Variants in TIAM1 observed in about 807,000 individuals in gnomAD.
TIAM1 encodes TIAM Rac1 associated GEF 1.
Under a neutral mutation model 163.5 loss-of-function variants are expected in TIAM1, and 65 were observed. That is an observed-to-expected ratio of 0.40 (90% confidence interval 0.33 to 0.49). TIAM1 has a LOEUF of 0.49. TIAM1 is among the 20% of genes least tolerant of loss of function. The probability of loss-of-function intolerance (pLI) is 0.77; values close to 1 mark genes in which losing one functional copy is unlikely to be tolerated. For synonymous variants in TIAM1, 833 were observed against 810.1 expected, an observed-to-expected ratio of 1.03 and a Z score of -0.48; for missense variants, 1,789 against 2,044.7, an observed-to-expected ratio of 0.87 and a Z score of 2.41.
intron 2 of TIAM1, among the ~76,000 whole-genome samples, chr21:31,397,817 G>A (rs1469039985): frequency 6.6e-6 from 1 of 152,200 alleles, no homozygotes; most frequent in Non-Finnish European, 1.5e-5. Flanking sequence ...CAAAACGAAA[G>A]ACATGGAAAA....
At chr21:31,250,829 G>C (rs2071762527) in intron 5 of TIAM1, among the ~76,000 whole-genome samples, 1 of 152,110 alleles carries the variant, frequency 6.6e-6, no homozygotes, top group African/African-American at 2.4e-5. Flanking sequence ...ATACGTACAT[G>C]TACTTCACGA....
chr21:31,212,958 T>G (rs1210881442), intron 10 of TIAM1: 2 of 154,502 alleles, frequency 1.3e-5, no homozygotes, highest in Non-Finnish European at 2.9e-5. Context: ...TTTTGTTGTT[T>G]TTCTTTTTTT....
chr21:31,500,151 C>T (rs751522441), intron 1 of TIAM1, among the ~76,000 whole-genome samples: 8 of 152,098 alleles, frequency 5.3e-5, no homozygotes, highest in Non-Finnish European at 1.0e-4. Flanking sequence ...GGTGACAGAG[C>T]GAGACTCCAT....
intron 4 of TIAM1, among the ~76,000 whole-genome samples, chr21:31,254,799 T>C (rs2072001768): frequency 2.0e-5 from 3 of 152,150 alleles, no homozygotes. Flanking sequence ...TGAGTGACTG[T>C]GACCTGCCTG....
chr21:31,273,035 T>C (rs1237283451), intron 3 of TIAM1, among the ~76,000 whole-genome samples: 2 of 152,128 alleles, frequency 1.3e-5, no homozygotes, highest in African/African-American at 4.8e-5. Context: ...CCCCAGCTAA[T>C]GACAACTAAA....
Position 31,335,705 on chromosome 21 carries a change from C to CA in TIAM1, c.-189+3537dup, listed in dbSNP as rs142300088. 1.1e-3 allele frequency among the ~76,000 whole-genome samples: 162 copies of CA among 143,890 alleles called. 2 individuals carry two copies. The highest frequency in any genetic ancestry group is 3.5e-3 in the Middle Eastern group (1 of 286). 94.4% of individuals were successfully genotyped at this position (143,890 alleles called of 152,430 possible). A position where few individuals can be genotyped will look rare whatever the true frequency, so the allele number is the denominator to read the frequency against. On this transcript the variant is annotated intron_variant, in intron 2 of 27. Coordinates refer to ENST00000541036, the MANE Select transcript of TIAM1 (RefSeq NM_001353694.2). Reference sequence around the variant, plus strand: ...GGGTGACAGAGCGAGACTCTGTCTCCAAAAAAAAAGAAAAAAGAAAGAAAC... The same window carrying CA: ...GGGTGACAGAGCGAGACTCTGTCTCCAAAAAAAAAAGAAAAAAGAAAGAAAC...
At chr21:31,446,268 C>T (rs1306517690) in intron 2 of TIAM1, among the ~76,000 whole-genome samples, 1 of 152,138 alleles carries the variant, frequency 6.6e-6, no homozygotes, top group Non-Finnish European at 1.5e-5. Flanking sequence ...ACTTACCCTA[C>T]CATTGGCTGA....
chr21:31,128,123 C>T (rs958843134), intron 25 of TIAM1, among the ~76,000 whole-genome samples: 2 of 152,228 alleles, frequency 1.3e-5, no homozygotes, highest in African/African-American at 4.8e-5. Context: ...TGTGAAGTCT[C>T]ACTTTTATCC....
intron 1 of TIAM1, among the ~76,000 whole-genome samples, chr21:31,480,095 A>G (rs1202383060): frequency 3.3e-5 from 5 of 152,238 alleles, no homozygotes. Context: ...CATAGCCACC[A>G]TCCAATCAAT....
chr21:31,452,554 CT>C, intron 2 of TIAM1: 3 of 601,888 alleles, frequency 5.0e-6, no homozygotes, highest in Non-Finnish European at 3.0e-6. Flanking sequence ...CGAGGGACAC[CT>C]TCGTCACACA....
At chr21:31,411,515 G>A (rs902040345) in intron 2 of TIAM1, among the ~76,000 whole-genome samples, 1 of 123,496 alleles carries the variant, frequency 8.1e-6, no homozygotes, top group African/African-American at 3.2e-5. Flanking sequence ...TCACTCCCTT[G>A]CCCAGGCTGG....
At chr21:31,219,102 G>A (rs2087401263) in intron 8 of TIAM1, among the ~76,000 whole-genome samples, 1 of 135,586 alleles carries the variant, frequency 7.4e-6, no homozygotes, top group Non-Finnish European at 1.5e-5. Context: ...AGCGATTCCA[G>A]AGAAGCATTT....
intron 1 of TIAM1, among the ~76,000 whole-genome samples, chr21:31,514,523 C>CAAA (rs1043056393): frequency 6.8e-5 from 6 of 87,942 alleles, no homozygotes; most frequent in Non-Finnish European, 1.2e-4. Context: ...ACTAAAAATA[C>CAAA]AAAAAAAAAA....
In TIAM1 at chr21:31,343,729, A is replaced by G. The variant is rs557428622; in HGVS notation, c.-369+409T>C. 2.2e-4 allele frequency among the ~76,000 whole-genome samples: 33 copies of G among 152,252 alleles called. No homozygotes were observed. In the South Asian group the frequency reaches 6.2e-3, roughly 29 times the overall value. The stretch of plus-strand genomic sequence containing the variant: ...AATGGCACTGACCTGCAATTACCCA[A>G]CGAGCAGCGGGACAGCCCCGGGCAG... On this transcript the variant is annotated intron_variant, in intron 1 of 27. Transcript: ENST00000541036.
chr21:31,506,554 C>T (rs553288010), intron 1 of TIAM1, among the ~76,000 whole-genome samples: 1 of 152,328 alleles, frequency 6.6e-6, no homozygotes, highest in South Asian at 2.1e-4. Flanking sequence ...ATTTCTCTTT[C>T]TGTGTCTGGC....
rs2083336267 is a variant in TIAM1 at position 31,150,771 on chromosome 21, G to A, written c.3366+1865C>T. Among the ~76,000 whole-genome samples the A allele has an allele frequency of 2.0e-5, 3 of 151,860 alleles. No homozygotes were observed. In the South Asian group the frequency reaches 6.2e-4, roughly 32 times the overall value. ...AATTAAAAACTTCTGCTCTGTGAAG[G>A]GCACTGTCAAGAAAATGAAAAGATG... On this transcript the variant is annotated intron_variant, in intron 19 of 27. Transcript: ENST00000541036.
intron 4 of TIAM1, among the ~76,000 whole-genome samples, chr21:31,256,588 T>TATACACACAC (rs1555907895): frequency 7.8e-6 from 1 of 128,162 alleles, no homozygotes; most frequent in Non-Finnish European, 1.6e-5. Context: ...TACCCCTCAC[T>TATACACACAC]ACACACACAC....
At chr21:31,358,149 T>C (rs761556203) in intron 2 of TIAM1, among the ~76,000 whole-genome samples, 12 of 152,146 alleles carry the variant, frequency 7.9e-5, no homozygotes, top group South Asian at 2.1e-4. Flanking sequence ...GAGGGCGGCA[T>C]CCCAGGGTAG....
intron 4 of TIAM1, among the ~76,000 whole-genome samples, chr21:31,256,624 C>T (rs1447986843): frequency 6.7e-6 from 1 of 149,430 alleles, no homozygotes; most frequent in African/African-American, 2.5e-5. Context: ...CACACACACA[C>T]ACACGTATAT....
Sources: allele counts gnomAD v4.1 joint callset (sites outside exome capture counted in the v4.1 genomes callset), GRCh38; gene constraint gnomAD v4.1.1; transcripts MANE v1.5; gene names NCBI Gene and HGNC (gene_info 2026-07-23, HGNC 2026-07-21).